The following IGSF1 variants were observed in gnomAD, a reference collection of about 807,000 sequenced individuals.
IGSF1 encodes immunoglobulin-like domain-containing protein 1.
IGSF1 carries 40 observed loss-of-function variants against 95.3 expected under a neutral mutation model. The observed-to-expected ratio is 0.42, with a 90% CI of 0.33 to 0.55. The LOEUF (loss-of-function observed/expected upper bound fraction) is 0.55. Among genes scored for constraint, IGSF1 ranks in the 20% least tolerant of loss-of-function variants. The pLI is 0.10. For missense variants in IGSF1, 906 were observed against 1,025.4 expected, an observed-to-expected ratio of 0.88 and a Z score of 1.59; for synonymous variants, 372 against 382.9, an observed-to-expected ratio of 0.97 and a Z score of 0.33.
At chrX:131,287,070 TAC>T (rs1477060594) in intron 1 of IGSF1, among the ~76,000 whole-genome samples, 2 of 87,344 alleles carry the variant, frequency 2.3e-5, no homozygotes, top group African/African-American at 8.2e-5. Flanking sequence ...TATATATATA[TAC>T]GTATGTTTAT....
intron 5 of IGSF1, chrX:131,284,799 C>T (rs2080609601): frequency 1.2e-6 from 1 of 866,327 alleles, no homozygotes; most frequent in African/African-American, 2.1e-5. Flanking sequence ...AAATAAAATA[C>T]ATTTGCAAAT....
At position 131,277,268 on chromosome X, in the gene IGSF1, C is replaced by G. The variant is rs192379880; in HGVS notation, c.2321-42G>C. 4 of 1,066,122 alleles carry G rather than the reference C, an allele frequency of 3.8e-6. No homozygotes were observed. The Admixed American group carries it at 1.2e-4, about 32-fold the overall frequency. The allele number at this position is 1,066,122 out of a possible 1,213,427, so 87.9% of individuals were successfully genotyped here. On this transcript the variant is annotated intron_variant, in intron 13 of 19. Transcript: ENST00000361420. ...AAAAACAAAAACAAAAAACAAAATA[C>G]AACACAAAACCAAATTAAGAACAAG...
In IGSF1 at chrX:131,280,970, G is replaced by A. The variant is rs1450860636; in HGVS notation, c.1646+248C>T. On this transcript the variant is annotated intron_variant, in intron 9 of 19. Transcript: ENST00000361420. ...CGAGATTTGGGCACCCTCCGGGGGG[G>A]ATGTCAGTGAATGCAGTTCTGATTA... 2.9e-5 allele frequency: 9 copies of A among 311,103 alleles called. No homozygotes were observed. In the East Asian group the frequency reaches 3.9e-4, roughly 14 times the overall value. 25.6% of individuals were successfully genotyped at this position (311,103 alleles called of 1,213,427 possible). A position where few individuals can be genotyped will look rare whatever the true frequency, so the allele number is the denominator to read the frequency against.
Position 131,286,588 on chromosome X carries a change from C to T in IGSF1, c.70+17G>A. ...TATGACAGGGTCACTTGCCCCTCAC[C>T]CCTTCCTTGTACTCACGAATGCAAA... is the stretch of plus-strand genomic sequence containing the variant. On this transcript the variant is annotated intron_variant, in intron 2 of 19. Transcript: ENST00000361420. The T allele has an allele frequency of 2.5e-6, 3 of 1,202,651 alleles. No individual in the cohort carries two copies. The highest frequency in any genetic ancestry group is 2.3e-6 in the Non-Finnish European group (2 of 888,746).
chrX:131,285,559 C>T, intron 4 of IGSF1, 93 bp from the exon 5 acceptor site: 1 of 968,249 alleles, frequency 1.0e-6, no homozygotes, highest in South Asian at 2.4e-5. Flanking sequence ...TGAGGTTTCC[C>T]TGTATGATCC....
chrX:131,285,252 G>A lies in IGSF1; in HGVS notation c.594C>T (p.Ile198=). 1 of 1,211,369 alleles carries A rather than the reference G, an allele frequency of 8.3e-7. No individual in the cohort carries two copies. Among genetic ancestry groups the A allele is most frequent in the Non-Finnish European group, 1.1e-6 (1 of 895,167 alleles). ...GGAGCATCTGGATATGAGTGCGGCA[G>A]ATGTAAACCCCTTCATCCTCAGGTG... ...NLTPEDEGVY[I]CRTHIQMLPT... Residue 198 remains isoleucine (I), a synonymous_variant, in exon 5 of 20, where the codon ATC becomes ATT. Transcript: ENST00000361420.
At chrX:131,276,910 C>T (rs2080482299) in intron 14 of IGSF1, 29 bp downstream of exon 14, 4 of 1,189,151 alleles carry the variant, frequency 3.4e-6, no homozygotes, top group Admixed American at 4.5e-5. Flanking sequence ...GGGTTGGCAC[C>T]ACCTCTACCT....
chrX:131,274,967 C>T (rs376770776), intron 17 of IGSF1, 32 bp downstream of exon 17: 41 of 1,201,980 alleles, frequency 3.4e-5, no homozygotes, highest in Non-Finnish European at 4.0e-5. Flanking sequence ...ACTACAAAAT[C>T]GTGACTTGTA....
chrX:131,278,468 C>T lies in IGSF1; in HGVS notation c.2034G>A (p.Val678=), dbSNP rs141750579. The change falls in exon 12 of 20, where the codon GTG becomes GTA. Residue 678 remains valine (V), a synonymous_variant. Transcript: ENST00000361420. ...CCCTCTACATTTTCTTACCTGTCCC[C>T]ACCAGCTCAAGTGCCTCACTGGGCT... is the stretch of plus-strand genomic sequence containing the variant. ...VSEPSEALEL[V]GTDILPKPVI... The T allele has an allele frequency of 2.4e-5, 29 of 1,197,578 alleles. No homozygotes were observed. Among genetic ancestry groups the T allele is most frequent in the African/African-American group, 5.2e-5 (3 of 57,500 alleles).
rs372604390 is a variant in IGSF1, at chrX:131,275,148, T to G, written c.3323A>C (p.Glu1108Ala). 1 of 1,211,712 alleles carries G rather than the reference T, an allele frequency of 8.3e-7. No homozygotes were observed. ...CCTGTACCCACTTGGCCTCTGTTGC[T>G]CTAAAGGCTCCTGAGCCCCCTCCTT... ...LLKEGAQEPL[E>A]QQRPSGYRAD... Residue 1108 changes from glutamate to alanine, a missense_variant, in exon 17 of 20, where the codon GAG (glutamate) becomes GCG (alanine). Coordinates refer to ENST00000361420, the MANE Select transcript of IGSF1 (RefSeq NM_001555.5).
intron 14 of IGSF1, 49 bp downstream of exon 14, chrX:131,276,890 C>G: frequency 4.4e-6 from 5 of 1,135,957 alleles, no homozygotes; most frequent in Non-Finnish European, 4.8e-6. Context: ...GCCTTCCACC[C>G]ACCATCCCAG....
chrX:131,280,180 T>C lies in IGSF1; in HGVS notation c.1647-839A>G, dbSNP rs776297970. ...TTTTTTCTAACCACTGGCTTGGAGA[T>C]TACTCTAATGAGTACGGGACCCAGG... On this transcript the variant is annotated intron_variant, in intron 9 of 19. Transcript: ENST00000361420. Among the ~76,000 whole-genome samples the C allele has an allele frequency of 2.7e-5, 3 of 109,527 alleles. No individual in the cohort carries two copies. In the South Asian group the frequency reaches 1.2e-3, roughly 45 times the overall value.
chrX:131,278,750 T>C lies in IGSF1; in HGVS notation c.1752A>G (p.Glu584=), dbSNP rs144489836. 1.8e-5 allele frequency: 22 copies of C among 1,204,163 alleles called. No individual in the cohort carries two copies. In the African/African-American group the frequency reaches 3.2e-4, roughly 17 times the overall value. The change falls in exon 12 of 20, where the codon GAA becomes GAG. Residue 584 remains glutamate (E), a splice_region_variant and synonymous_variant. Transcript: ENST00000361420. The part of the protein sequence containing the change: ...LCNGVLIEET[E]IVMPTPKPEL... ...CAGGCTTAGGGGTTGGCATGACTATTTCTAGAAACAGCAGAATTAATGAAG... is the reference window on the plus strand; with the variant it reads ...CAGGCTTAGGGGTTGGCATGACTATCTCTAGAAACAGCAGAATTAATGAAG...
chrX:131,277,674 T>G (rs2080493907), intron 13 of IGSF1, among the ~76,000 whole-genome samples, 182 bp downstream of exon 13: 1 of 112,259 alleles, frequency 8.9e-6, no homozygotes, highest in South Asian at 3.7e-4. Context: ...CGATTATGGC[T>G]ATTAATATCG....
rs752223527 is a variant in IGSF1, at chrX:131,285,048, C to T, written c.667+131G>A. 2.5e-5 allele frequency: 26 copies of T among 1,059,328 alleles called. No homozygotes were observed. In the Middle Eastern group the frequency reaches 1.4e-3, roughly 57 times the overall value. The allele number at this position is 1,059,328 out of a possible 1,213,427, so 87.3% of individuals were successfully genotyped here. A position where few individuals can be genotyped will look rare whatever the true frequency, so the allele number is the denominator to read the frequency against. On this transcript the variant is annotated intron_variant, in intron 5 of 19. Coordinates refer to ENST00000361420, the MANE Select transcript of IGSF1 (RefSeq NM_001555.5). ...ATTTATATCTCAGTAAAACTTCAAA[C>T]GACTGTAGCTCATGGGGCCTTGCAG...
Position 131,282,614 on chromosome X carries a change from T to C in IGSF1, c.1076A>G (p.Glu359Gly). The C allele has an allele frequency of 8.3e-7, 1 of 1,210,516 alleles. No individual in the cohort carries two copies. The highest frequency in any genetic ancestry group is 1.1e-6 in the Non-Finnish European group (1 of 894,737). The change falls in exon 7 of 20, where the codon GAA (glutamate) becomes GGA (glycine). Residue 359 changes from glutamate (E) to glycine (G), a missense_variant. Transcript: ENST00000361420. ...GVGLALYKKGEDKPLQFLDAT... is the reference protein window; with the variant it reads ...GVGLALYKKGGDKPLQFLDAT... ...ATCCAAAAATTGAAGTGGTTTGTCTTCTCCTTTCTTATAGAGTGCAAGACC... is the reference window on the plus strand; with the variant it reads ...ATCCAAAAATTGAAGTGGTTTGTCTCCTCCTTTCTTATAGAGTGCAAGACC...
intron 5 of IGSF1, chrX:131,284,922 C>T (rs1324871578): frequency 2.7e-6 from 2 of 742,044 alleles, no homozygotes; most frequent in Non-Finnish European, 3.5e-6. Flanking sequence ...TTGAGAACAA[C>T]AAAGCTGTGA....
At chrX:131,276,878 C>T (rs2080481816) in intron 14 of IGSF1, 61 bp downstream of exon 14, 3 of 1,070,734 alleles carry the variant, frequency 2.8e-6, no homozygotes, top group South Asian at 2.0e-5. Context: ...CTCCCACTGA[C>T]AGCCTTCCAC....
intron 7 of IGSF1, among the ~76,000 whole-genome samples, chrX:131,282,155 C>T (rs2080571185): frequency 9.0e-6 from 1 of 111,292 alleles, no homozygotes; most frequent in African/African-American, 3.3e-5. Context: ...TCAGGAAGAC[C>T]TCATACCTGT....
Sources: allele counts gnomAD v4.1 joint callset (sites outside exome capture counted in the v4.1 genomes callset), GRCh38; gene constraint gnomAD v4.1.1; transcripts MANE v1.5; gene names NCBI Gene and HGNC (gene_info 2026-07-23, HGNC 2026-07-21).